SLC6A4: variants seen among roughly 807,000 people sequenced by gnomAD.
The protein encoded by SLC6A4 is sodium-dependent serotonin transporter.
In SLC6A4, 22 loss-of-function variants were observed where a neutral mutation model predicts 73.4. The ratio of observed to expected loss-of-function variants is 0.30; its 90% CI spans 0.21 to 0.43. The LOEUF (loss-of-function observed/expected upper bound fraction) is 0.43, where lower values mean the gene tolerates loss of function less well. Among genes scored for constraint, SLC6A4 ranks in the 20% least tolerant of loss-of-function variants. The pLI is 1.00. For synonymous variants in SLC6A4, 270 were observed against 315.5 expected (o/e 0.86, Z 1.53); for missense variants, 593 against 808.5 (o/e 0.73, Z 3.23).
At chr17:30,215,985 G>A in intron 7 of SLC6A4, 97 bp downstream of exon 7, 1 of 1,112,176 alleles carries the variant, frequency 9.0e-7, no homozygotes, top group Non-Finnish European at 1.3e-6. Context: ...GCACACTGAA[G>A]CCACATTTCA....
intron 1 of SLC6A4, among the ~76,000 whole-genome samples, chr17:30,226,988 G>A (rs997914804): frequency 2.0e-5 from 3 of 152,290 alleles, no homozygotes; most frequent in Admixed American, 6.5e-5. Context: ...GGAAAAACAC[G>A]ATGCTTCTGG....
intron 1 of SLC6A4, among the ~76,000 whole-genome samples, chr17:30,226,208 A>G (rs1906919637): frequency 6.6e-6 from 1 of 152,264 alleles, no homozygotes; most frequent in Non-Finnish European, 1.5e-5. Context: ...GATTAGTTAC[A>G]GGTCATAGAG....
In SLC6A4 at chr17:30,211,229, A is replaced by C. The variant is rs1597636967; in HGVS notation, c.1317+83T>G. ...CCAAAGCTGCCTGGGATGGCCAGGG[A>C]TGGGAGGGAATTGAGTCCAGCTGAG... On this transcript the variant is annotated intron_variant, in intron 10 of 14. Transcript: ENST00000650711. The surrounding 1 kb of genome is among the most constrained non-coding windows in gnomAD (Gnocchi z 4.0). 2.2e-6 allele frequency: 2 copies of C among 906,112 alleles called. No homozygotes were observed. The highest frequency in any genetic ancestry group is 4.9e-5 in the East Asian group (2 of 40,430). 56.1% of individuals were successfully genotyped at this position (906,112 alleles called of 1,614,324 possible).
At position 30,198,121 on chromosome 17, in the gene SLC6A4, G is replaced by T; in HGVS notation, c.*335C>A. 1 of 259,146 alleles carries T rather than the reference G, an allele frequency of 3.9e-6. No homozygotes were observed. The highest frequency in any genetic ancestry group is 7.3e-6 in the Non-Finnish European group (1 of 137,438). 16.1% of individuals were successfully genotyped at this position (259,146 alleles called of 1,614,324 possible). On this transcript the variant is annotated 3_prime_UTR_variant, in exon 15 of 15. Coordinates refer to ENST00000650711, the MANE Select transcript of SLC6A4 (RefSeq NM_001045.6). The stretch of plus-strand genomic sequence containing the variant: ...TATCAGATACCAATGATCATACCAA[G>T]AAATGATACAGGAGACTTTCACAGA...
intron 8 of SLC6A4, among the ~76,000 whole-genome samples, chr17:30,215,002 T>TTCTTTCTTTCTTTTC (rs1555588700): frequency 7.0e-6 from 1 of 142,286 alleles, no homozygotes; most frequent in East Asian, 2.1e-4. Context: ...CTTCCTTCCT[T>TTCTTTCTTTCTTTTC]TCTTTCTTTC....
rs1905921403 is a variant in SLC6A4, at chr17:30,198,160, C to T, written c.*296G>A. Reference sequence around the variant, plus strand: ...GACTTTCACAGACTTGATTCTAAACCTAATCCTAACTGATGATAGGGTGGT... The same window carrying T: ...GACTTTCACAGACTTGATTCTAAACTTAATCCTAACTGATGATAGGGTGGT... On this transcript the variant is annotated 3_prime_UTR_variant, in exon 15 of 15. Coordinates refer to ENST00000650711, the MANE Select transcript of SLC6A4 (RefSeq NM_001045.6). 2.1e-5 allele frequency: 7 copies of T among 332,778 alleles called. No individual in the cohort carries two copies. The East Asian group carries it at 3.4e-4, about 16-fold the overall frequency. 20.6% of individuals were successfully genotyped at this position (332,778 alleles called of 1,614,324 possible). A position where few individuals can be genotyped will look rare whatever the true frequency, so the allele number is the denominator to read the frequency against.
At chr17:30,221,103 A>G (rs1906734407) in intron 3 of SLC6A4, among the ~76,000 whole-genome samples, 1 of 150,712 alleles carries the variant, frequency 6.6e-6, no homozygotes, top group Non-Finnish European at 1.5e-5. Context: ...CAGCCTCCCA[A>G]GTAGCTGGGA....
intron 9 of SLC6A4, among the ~76,000 whole-genome samples, chr17:30,212,385 T>G (rs1906414745): frequency 6.6e-6 from 1 of 152,238 alleles, no homozygotes; most frequent in Admixed American, 6.5e-5. Context: ...CTCTCAAATC[T>G]TTGAATAAAA....
chr17:30,209,195 G>A lies in SLC6A4; in HGVS notation c.1497C>T (p.Pro499=), dbSNP rs777581886. 1.2e-5 allele frequency: 20 copies of A among 1,613,646 alleles called. No individual in the cohort carries two copies. The highest frequency in any genetic ancestry group is 5.0e-5 in the Admixed American group (3 of 59,986). ...CGATCAGCGCGACAGTGAGCACTGC[G>A]GGCCCCGTGGCATACTCCTCCAGCA... ...VKLLEEYATG[P]AVLTVALIEA... is the part of the protein sequence containing the mutation. Residue 499 remains proline (P), a synonymous_variant, in exon 12 of 15, where the codon CCC becomes CCT. Coordinates refer to ENST00000650711, the MANE Select transcript of SLC6A4 (RefSeq NM_001045.6).
At position 30,235,191 on chromosome 17, in the gene SLC6A4, C is replaced by T. The variant is rs1432462015; in HGVS notation, c.-221+422G>A. 8.5e-5 allele frequency among the ~76,000 whole-genome samples: 13 copies of T among 152,174 alleles called. No individual in the cohort carries two copies. On this transcript the variant is annotated intron_variant, in intron 1 of 14. Transcript: ENST00000650711. This position sits in a 1 kb window ranked among gnomAD's most constrained non-coding sequence, Gnocchi z 4.5. ...ACCAGAACTCTCCCTTTGCATAAAG[C>T]CACCTGCACGCGATGACAGCAAAGT...
intron 11 of SLC6A4, among the ~76,000 whole-genome samples, chr17:30,209,508 G>T (rs1313479194): frequency 1.3e-5 from 2 of 152,220 alleles, no homozygotes; most frequent in South Asian, 2.1e-4. Flanking sequence ...TTAGCCAGGC[G>T]TGGTGGCACA....
At chr17:30,216,054 G>A (rs1344534852) in intron 7 of SLC6A4, 28 bp downstream of exon 7, 1 of 1,605,244 alleles carries the variant, frequency 6.2e-7, no homozygotes, top group African/African-American at 1.3e-5. Flanking sequence ...ATGACAGACA[G>A]GTACACATAT....
intron 14 of SLC6A4, among the ~76,000 whole-genome samples, chr17:30,202,599 C>G (rs148529149): frequency 6.6e-6 from 1 of 152,280 alleles, no homozygotes; most frequent in East Asian, 1.9e-4. Flanking sequence ...AACATTTCTA[C>G]AGCGCATTCA....
In SLC6A4 at chr17:30,211,707, A is replaced by C. The variant is rs990064162; in HGVS notation, c.1205-283T>G. 6.6e-6 allele frequency among the ~76,000 whole-genome samples: 1 copy of C among 152,204 alleles called. No individual in the cohort carries two copies. The highest frequency in any genetic ancestry group is 1.5e-5 in the Non-Finnish European group (1 of 68,038). ...AGATCCAAGACCCAGAGACTGGCAA[A>C]GCTGCACATGAGAATAAGAGTTTCC... On this transcript the variant is annotated intron_variant, in intron 9 of 14. Transcript: ENST00000650711. The surrounding 1 kb of genome is among the most constrained non-coding windows in gnomAD (Gnocchi z 4.0).
chr17:30,235,046 T>C lies in SLC6A4; in HGVS notation c.-221+567A>G, dbSNP rs554638962. Among the ~76,000 whole-genome samples, 1 of 152,214 alleles carries C rather than the reference T, an allele frequency of 6.6e-6. No individual in the cohort carries two copies. Among genetic ancestry groups the C allele is most frequent in the South Asian group, 2.1e-4 (1 of 4,812 alleles). ...GTTGGAGTTTCACATACATTCTGAATGGCCTGTGAGGTGTCTGAGAGCGCC... is the reference window on the plus strand; with the variant it reads ...GTTGGAGTTTCACATACATTCTGAACGGCCTGTGAGGTGTCTGAGAGCGCC... On this transcript the variant is annotated intron_variant, in intron 1 of 14. Transcript: ENST00000650711. The surrounding 1 kb of genome is among the most constrained non-coding windows in gnomAD (Gnocchi z 4.5).
Position 30,197,926 on chromosome 17 carries a change from T to A in SLC6A4, c.*530A>T, listed in dbSNP as rs1430893277. 1.3e-5 allele frequency: 2 copies of A among 153,690 alleles called. No homozygotes were observed. The highest frequency in any genetic ancestry group is 3.7e-4 in the East Asian group (2 of 5,370). The allele number at this position is 153,690 out of a possible 1,614,324, so 9.5% of individuals were successfully genotyped here. On this transcript the variant is annotated 3_prime_UTR_variant, in exon 15 of 15. Coordinates refer to ENST00000650711, the MANE Select transcript of SLC6A4 (RefSeq NM_001045.6). Reference sequence around the variant, plus strand: ...CTATTTTTCATTTTAGCTTCTTACATCTTCCTTTCCTGATGCCACAGCAGC... The same window carrying A: ...CTATTTTTCATTTTAGCTTCTTACAACTTCCTTTCCTGATGCCACAGCAGC...
chr17:30,224,901 C>A (rs946596144), intron 1 of SLC6A4, among the ~76,000 whole-genome samples: 2 of 152,266 alleles, frequency 1.3e-5, no homozygotes, highest in African/African-American at 4.8e-5. Flanking sequence ...GAATTCCTGG[C>A]AACTATGGTA....
Position 30,204,724 on chromosome 17 carries a change from C to A in SLC6A4, c.1651-1385G>T, listed in dbSNP as rs189065501. On this transcript the variant is annotated intron_variant, in intron 13 of 14. Transcript: ENST00000650711. ...GTTTACCTAAAGCAGCCTTAAGAAG[C>A]CCAGAGCAGGGGATCTGTTAAGTGA... is the stretch of plus-strand genomic sequence containing the variant. Among the ~76,000 whole-genome samples the A allele has an allele frequency of 1.8e-3, 273 of 152,244 alleles. 1 individual carries two copies. The highest frequency in any genetic ancestry group is 3.4e-3 in the Non-Finnish European group (233 of 68,022).
intron 8 of SLC6A4, among the ~76,000 whole-genome samples, chr17:30,214,229 C>A (rs889872591): frequency 3.3e-5 from 5 of 151,724 alleles, no homozygotes; most frequent in African/African-American, 1.2e-4. Context: ...TGGAGACCAG[C>A]CTGACCAACA....
Sources: gnomAD v4.1 joint callset for allele counts (sites outside exome capture counted in the v4.1 genomes callset) on GRCh38, gnomAD v4.1.1 for gene constraint, Gnocchi (gnomAD v3.1) non-coding constraint, MANE v1.5 for transcripts, NCBI Gene and HGNC (gene_info 2026-07-23, HGNC 2026-07-21) for gene names.